PALM2AKAP2: variants seen among roughly 807,000 people sequenced by gnomAD.
PALM2AKAP2 encodes the protein PALM2 and AKAP2 fusion.
A neutral mutation model predicts 71.5 loss-of-function variants in PALM2AKAP2; 37 were observed. That is an observed-to-expected ratio of 0.52 (90% CI 0.40 to 0.68). The LOEUF (loss-of-function observed/expected upper bound fraction) is 0.68. Among genes scored for constraint, PALM2AKAP2 ranks in the 30% least tolerant of loss-of-function variants. PALM2AKAP2 has a pLI of 0.00. For missense variants in PALM2AKAP2, 1,224 were observed against 1,191.8 expected, an observed-to-expected ratio of 1.03 and a Z score of -0.40; for synonymous variants, 468 against 478.8, an observed-to-expected ratio of 0.98 and a Z score of 0.29.
In PALM2AKAP2 at chr9:109,861,184, C is replaced by T. The variant is rs150386127; in HGVS notation, c.46-6307C>T. ...CTACCTTCCCTGCTTAGCCTCTTTC[C>T]CTGTCTCCCTGTTTCTCACACACTC... On this transcript the variant is annotated intron_variant, in intron 1 of 9. Coordinates refer to the PALM2AKAP2 transcript ENST00000302798. Among the ~76,000 whole-genome samples the T allele has an allele frequency of 3.0e-3, 456 of 152,304 alleles. 1 individual carries two copies. Among genetic ancestry groups the T allele is most frequent in the Non-Finnish European group, 5.4e-3 (368 of 68,024 alleles).
chr9:110,058,701 C>G (rs538400965), intron 1 of PALM2AKAP2, among the ~76,000 whole-genome samples: 11 of 152,250 alleles, frequency 7.2e-5, no homozygotes, highest in African/African-American at 2.6e-4. Flanking sequence ...CACTGGTGGA[C>G]ACATATCCTC....
At chr9:109,758,365 G>T in intron 1 of PALM2AKAP2, among the ~76,000 whole-genome samples, 1 of 152,034 alleles carries the variant, frequency 6.6e-6, no homozygotes, top group East Asian at 1.9e-4. Flanking sequence ...AAAATTTGTG[G>T]AAGTGGGATT....
intron 3 of PALM2AKAP2, among the ~76,000 whole-genome samples, chr9:109,918,595 G>A (rs1219190835): frequency 1.3e-5 from 2 of 152,184 alleles, no homozygotes; most frequent in South Asian, 4.1e-4. Context: ...AGAGAAGACT[G>A]CATTAGATTT....
intron 6 of PALM2AKAP2, among the ~76,000 whole-genome samples, chr9:110,001,794 C>G (rs1832685554): frequency 6.6e-6 from 1 of 152,166 alleles, no homozygotes. Flanking sequence ...TAGGAGTTCA[C>G]TCATGATTTG....
chr9:109,750,549 T>A (rs1397064505), intron 1 of PALM2AKAP2, among the ~76,000 whole-genome samples: 1 of 149,510 alleles, frequency 6.7e-6, no homozygotes, highest in Non-Finnish European at 1.5e-5. Context: ...TTCCTTCTCA[T>A]CCTCAGAGCT....
intron 6 of PALM2AKAP2, among the ~76,000 whole-genome samples, chr9:110,005,661 C>G (rs1021977570): frequency 6.6e-6 from 1 of 152,208 alleles, no homozygotes; most frequent in African/African-American, 2.4e-5. Flanking sequence ...CCTTGAGGTG[C>G]GGTGGGCTCC....
chr9:109,659,534 G>T (rs1049937345), intron 1 of PALM2AKAP2, among the ~76,000 whole-genome samples: 1 of 151,950 alleles, frequency 6.6e-6, no homozygotes, highest in Non-Finnish European at 1.5e-5. Flanking sequence ...TTTGTGACTG[G>T]CTTCTTCCAC....
At chr9:109,888,189 T>A (rs988143392) in intron 3 of PALM2AKAP2, among the ~76,000 whole-genome samples, 1 of 152,238 alleles carries the variant, frequency 6.6e-6, no homozygotes, top group Non-Finnish European at 1.5e-5. Context: ...GGCTCCAGCA[T>A]AGCAAACTCA....
intron 2 of PALM2AKAP2, 107 bp from the exon 3 acceptor site, chr9:109,880,444 A>G (rs1829819220): frequency 6.7e-7 from 1 of 1,485,894 alleles, no homozygotes; most frequent in Non-Finnish European, 9.1e-7. Flanking sequence ...GCAGCGATTC[A>G]GGCAGCGCTG....
At chr9:109,710,383 A>G (rs1193533724) in intron 1 of PALM2AKAP2, among the ~76,000 whole-genome samples, 1 of 152,224 alleles carries the variant, frequency 6.6e-6, no homozygotes, top group Non-Finnish European at 1.5e-5. Flanking sequence ...CTACACCACA[A>G]TTTATCAAGG....
chr9:109,702,702 C>T (rs1425784423), intron 1 of PALM2AKAP2, among the ~76,000 whole-genome samples: 2 of 149,586 alleles, frequency 1.3e-5, no homozygotes, highest in Middle Eastern at 3.5e-3. Context: ...ATGTAACTAA[C>T]ATGTACCTGC....
intron 1 of PALM2AKAP2, among the ~76,000 whole-genome samples, chr9:109,662,457 G>C (rs888354873): frequency 6.6e-6 from 1 of 152,164 alleles, no homozygotes; most frequent in African/African-American, 2.4e-5. Context: ...CTGTTTATGT[G>C]ATGGATTACG....
At chr9:109,846,045 C>T (rs1445513401) in intron 1 of PALM2AKAP2, among the ~76,000 whole-genome samples, 1 of 152,084 alleles carries the variant, frequency 6.6e-6, no homozygotes, top group Non-Finnish European at 1.5e-5. Context: ...TACAGAGGGC[C>T]ATGTGGGGGG....
upstream of PALM2AKAP2, among the ~76,000 whole-genome samples, chr9:109,780,136 C>A (rs1366406757): frequency 2.0e-5 from 3 of 151,058 alleles, no homozygotes; most frequent in African/African-American, 7.3e-5. Context: ...CGGAGCGAGG[C>A]ACCGAGACGT....
chr9:110,047,447 C>G (rs1833621892), upstream of PALM2AKAP2, among the ~76,000 whole-genome samples: 1 of 152,082 alleles, frequency 6.6e-6, no homozygotes, highest in Non-Finnish European at 1.5e-5. Flanking sequence ...AAATCAGGGA[C>G]CTTTGTGGGT....
chr9:109,955,676 C>T (rs1831733507), intron 6 of PALM2AKAP2, among the ~76,000 whole-genome samples: 1 of 152,120 alleles, frequency 6.6e-6, no homozygotes, highest in Non-Finnish European at 1.5e-5. Flanking sequence ...ATAATCCTCA[C>T]AGAAGCTTGA....
intron 1 of PALM2AKAP2, among the ~76,000 whole-genome samples, chr9:109,826,366 A>T (rs1372742739): frequency 6.6e-6 from 1 of 152,072 alleles, no homozygotes; most frequent in African/African-American, 2.4e-5. Flanking sequence ...AAGTATAATA[A>T]AAATAAATAA....
At chr9:109,803,605 A>AATATG (rs1267424147) in intron 1 of PALM2AKAP2, among the ~76,000 whole-genome samples, 2 of 152,228 alleles carry the variant, frequency 1.3e-5, no homozygotes, top group East Asian at 3.8e-4. Context: ...TTCTGTAGGA[A>AATATG]ATATGTCCTG....
intron 2 of PALM2AKAP2, among the ~76,000 whole-genome samples, chr9:110,154,661 A>G (rs1252531103): frequency 1.3e-5 from 2 of 152,236 alleles, no homozygotes; most frequent in East Asian, 1.9e-4. Context: ...TACTGTTAAT[A>G]TCAAAAGACT....
Sources: gnomAD v4.1 joint callset for allele counts (sites outside exome capture counted in the v4.1 genomes callset) on GRCh38, gnomAD v4.1.1 for gene constraint, MANE v1.5 for transcripts, NCBI Gene and HGNC (gene_info 2026-07-23, HGNC 2026-07-21) for gene names.